The following DOCK2 variants were observed in gnomAD, a reference collection of about 807,000 sequenced individuals.
The protein encoded by DOCK2 is dedicator of cytokinesis protein 2.
DOCK2 carries 87 observed loss-of-function variants against 248.9 expected under a neutral mutation model. The observed-to-expected ratio is 0.35, with a 90% CI of 0.29 to 0.42. The LOEUF is 0.42. DOCK2 is among the 10% of genes least tolerant of loss of function. The pLI is 1.00. For missense variants in DOCK2, 1,747 were observed against 2,300.2 expected, an observed-to-expected ratio of 0.76 and a Z score of 4.92; for synonymous variants, 805 against 821.6, an observed-to-expected ratio of 0.98 and a Z score of 0.35.
chr5:169,836,876 G>A (rs1321276062), intron 26 of DOCK2, among the ~76,000 whole-genome samples: 1 of 152,162 alleles, frequency 6.6e-6, no homozygotes, highest in Non-Finnish European at 1.5e-5. Context: ...ATTTGGTTTA[G>A]TGTTATGAAA....
At chr5:170,045,475 G>T (rs1209113556) in intron 38 of DOCK2, among the ~76,000 whole-genome samples, 1 of 152,190 alleles carries the variant, frequency 6.6e-6, no homozygotes, top group African/African-American at 2.4e-5. Context: ...TTTGACCCGG[G>T]ACAGGTTGCT....
intron 22 of DOCK2, among the ~76,000 whole-genome samples, chr5:169,720,712 CTTAT>C (rs1375896115): frequency 1.3e-5 from 2 of 152,090 alleles, no homozygotes; most frequent in African/African-American, 4.8e-5. Flanking sequence ...AGATAACTCT[CTTAT>C]TTATTTATTA....
At chr5:169,780,054 A>G (rs1338562571) in intron 25 of DOCK2, among the ~76,000 whole-genome samples, 1 of 152,182 alleles carries the variant, frequency 6.6e-6, no homozygotes, top group Non-Finnish European at 1.5e-5. Context: ...AGCGTCTTCT[A>G]ATCTACTTTG....
chr5:169,854,831 G>T (rs1386724313), intron 27 of DOCK2, among the ~76,000 whole-genome samples: 1 of 152,194 alleles, frequency 6.6e-6, no homozygotes, highest in Non-Finnish European at 1.5e-5. Context: ...CTTTCTGGTG[G>T]AGATGAGCAT....
chr5:170,025,977 T>G (rs1432173145), intron 33 of DOCK2, among the ~76,000 whole-genome samples: 2 of 152,046 alleles, frequency 1.3e-5, no homozygotes, highest in East Asian at 3.9e-4. Flanking sequence ...TGGAATGCCT[T>G]CCTTTTCACA....
intron 4 of DOCK2, 111 bp downstream of exon 4, chr5:169,670,708 C>A (rs1759005089): frequency 1.6e-6 from 2 of 1,286,772 alleles, no homozygotes; most frequent in Admixed American, 4.3e-5. Flanking sequence ...AGCTTATCTT[C>A]TTTGTGCCTG....
At chr5:169,689,388 T>C (rs1309453198) in intron 9 of DOCK2, 55 bp downstream of exon 9, 3 of 1,593,420 alleles carry the variant, frequency 1.9e-6, no homozygotes, top group Non-Finnish European at 2.6e-6. Context: ...AAATGTGACC[T>C]TGGAAATGAG....
At chr5:170,006,933 AAC>A (rs886441908) in intron 30 of DOCK2, among the ~76,000 whole-genome samples, 1 of 152,204 alleles carries the variant, frequency 6.6e-6, no homozygotes, top group African/African-American at 2.4e-5. Flanking sequence ...CAAAATACTC[AAC>A]CTCTCCAAGC....
intron 25 of DOCK2, among the ~76,000 whole-genome samples, chr5:169,779,767 T>TC (rs1765591678): frequency 6.6e-6 from 1 of 150,414 alleles, no homozygotes. Flanking sequence ...CTAGAGGAAC[T>TC]CCCCCTTTCC....
In DOCK2 at chr5:169,768,306, CA is replaced by C. The variant is rs1764905451; in HGVS notation, c.2554+6682del. Among the ~76,000 whole-genome samples, 3 of 152,216 alleles carry C rather than the reference CA, an allele frequency of 2.0e-5. No individual in the cohort carries two copies. In the South Asian group the frequency reaches 6.2e-4, roughly 32 times the overall value. On this transcript the variant is annotated intron_variant, in intron 25 of 51. Transcript: ENST00000520908. Reference sequence around the variant, plus strand: ...TTTGATGAGCGCTGTCTCTACGGCTCACAGGTAGTAAGTGCTGGAGCTGATT... The same window carrying C: ...TTTGATGAGCGCTGTCTCTACGGCTCCAGGTAGTAAGTGCTGGAGCTGATT...
intron 26 of DOCK2, among the ~76,000 whole-genome samples, chr5:169,835,475 G>A (rs997011023): frequency 3.3e-5 from 5 of 151,732 alleles, no homozygotes; most frequent in Admixed American, 2.6e-4. Flanking sequence ...GGCTGGTCTC[G>A]AACTCCTGAG....
intron 22 of DOCK2, among the ~76,000 whole-genome samples, chr5:169,736,088 G>C (rs956866814): frequency 4.6e-5 from 7 of 152,150 alleles, no homozygotes; most frequent in African/African-American, 1.4e-4. Context: ...CTGCCCCCAT[G>C]ATCCAATCAT....
chr5:169,718,814 T>G (rs760633137), intron 22 of DOCK2, 23 bp downstream of exon 22: 11 of 1,601,582 alleles, frequency 6.9e-6, no homozygotes, highest in Non-Finnish European at 8.5e-6. Flanking sequence ...TATGTAAGAG[T>G]GATTGATTAG....
At chr5:169,729,125 C>T (rs1464124144) in intron 22 of DOCK2, among the ~76,000 whole-genome samples, 13 of 152,108 alleles carry the variant, frequency 8.5e-5, no homozygotes, top group South Asian at 2.1e-4. Flanking sequence ...ACTGAATAAA[C>T]GTGTAGATTT....
chr5:169,883,996 G>A (rs769078221), intron 27 of DOCK2: 8 of 1,200,992 alleles, frequency 6.7e-6, no homozygotes, highest in Non-Finnish European at 7.8e-6. Context: ...TTCAATCATA[G>A]AGAACTGCTG....
At chr5:169,985,539 A>G (rs180857503) in intron 28 of DOCK2, among the ~76,000 whole-genome samples, 7 of 152,316 alleles carry the variant, frequency 4.6e-5, no homozygotes, top group African/African-American at 1.4e-4. Context: ...GAAAATGATT[A>G]TAAAATTGCC....
At chr5:169,937,715 C>T (rs991884956) in intron 27 of DOCK2, among the ~76,000 whole-genome samples, 2 of 152,156 alleles carry the variant, frequency 1.3e-5, no homozygotes, top group East Asian at 3.8e-4. Flanking sequence ...CATTTAGTAA[C>T]ACTTTTGCCC....
rs987405800 is a variant in DOCK2 at position 170,080,500 on chromosome 5, G to C, written c.5287+217G>C. 3 of 635,028 alleles carry C rather than the reference G, an allele frequency of 4.7e-6. No individual in the cohort carries two copies. The East Asian group carries it at 8.8e-5, about 19-fold the overall frequency. The allele number at this position is 635,028 out of a possible 1,614,324, so 39.3% of individuals were successfully genotyped here. A position where few individuals can be genotyped will look rare whatever the true frequency, so the allele number is the denominator to read the frequency against. The stretch of plus-strand genomic sequence containing the variant: ...CCCAGCAAGCTCCAGCAGGGACAGG[G>C]GAGAGGCCTGCTGTCCCTTGGGCCC... On this transcript the variant is annotated intron_variant, in intron 50 of 51. Coordinates refer to ENST00000520908, the MANE Select transcript of DOCK2 (RefSeq NM_004946.3).
At position 170,019,201 on chromosome 5, in the gene DOCK2, T is replaced by C. The variant is rs1166043731; in HGVS notation, c.3381+93T>C. 5.1e-6 allele frequency: 8 copies of C among 1,575,882 alleles called. No homozygotes were observed. The East Asian group carries it at 1.3e-4, about 27-fold the overall frequency. ...CCTCATTCCATCTCCCTGAGCTTCATTGAGAGGCTCGGCGGCAGGATAGGG... is the reference window on the plus strand; with the variant it reads ...CCTCATTCCATCTCCCTGAGCTTCACTGAGAGGCTCGGCGGCAGGATAGGG... On this transcript the variant is annotated intron_variant, in intron 33 of 51. Coordinates refer to ENST00000520908, the MANE Select transcript of DOCK2 (RefSeq NM_004946.3).
Sources: gnomAD v4.1 joint callset for allele counts (sites outside exome capture counted in the v4.1 genomes callset) on GRCh38, gnomAD v4.1.1 for gene constraint, MANE v1.5 for transcripts, NCBI Gene and HGNC (gene_info 2026-07-23, HGNC 2026-07-21) for gene names.